The following ITPR1 variants were observed in gnomAD, a reference collection of about 807,000 sequenced individuals.
The protein encoded by ITPR1 is inositol 1,4,5-trisphosphate-gated calcium channel ITPR1.
A neutral mutation model predicts 318.4 loss-of-function variants in ITPR1; 96 were observed. That is an observed-to-expected ratio of 0.30 (90% CI 0.26 to 0.36). The LOEUF is 0.36. Ranked by LOEUF, ITPR1 falls within the 10% of genes least tolerant of loss-of-function variation. The pLI is 1.00. For missense variants in ITPR1, 2,440 were observed against 3,460.2 expected, an observed-to-expected ratio of 0.71 and a Z score of 7.40; for synonymous variants, 1,312 against 1,289.9, an observed-to-expected ratio of 1.02 and a Z score of -0.37.
chr3:4,813,272 G>T lies in ITPR1; in HGVS notation c.7561+38G>T, dbSNP rs77385968. 2.3e-5 allele frequency: 33 copies of T among 1,426,082 alleles called. No individual in the cohort carries two copies. The East Asian group carries it at 7.6e-4, about 33-fold the overall frequency. 88.3% of individuals were successfully genotyped at this position (1,426,082 alleles called of 1,614,324 possible). ...AACTGTAAGCCCCATGTTAATATCGGACTCCTCCAGAGGCTTAGCTGATGC... is the reference window on the plus strand; with the variant it reads ...AACTGTAAGCCCCATGTTAATATCGTACTCCTCCAGAGGCTTAGCTGATGC... On this transcript the variant is annotated intron_variant, in intron 57 of 61. Transcript: ENST00000649015.
chr3:4,731,603 C>A (rs969719599), intron 42 of ITPR1, among the ~76,000 whole-genome samples: 1 of 152,154 alleles, frequency 6.6e-6, no homozygotes, highest in Admixed American at 6.5e-5. Context: ...CCCTGTTTAT[C>A]CCATCCCAAT....
chr3:4,632,603 AT>A (rs1482829913), intron 5 of ITPR1, among the ~76,000 whole-genome samples: 4 of 152,196 alleles, frequency 2.6e-5, no homozygotes, highest in African/African-American at 9.6e-5. Flanking sequence ...TTGGGAACTA[AT>A]TCAATTAAGG....
chr3:4,590,362 A>T (rs2090293573), intron 4 of ITPR1, among the ~76,000 whole-genome samples: 3 of 151,676 alleles, frequency 2.0e-5, no homozygotes, highest in African/African-American at 7.3e-5. Flanking sequence ...CCATAAGCAG[A>T]TGATGAATAG....
chr3:4,505,635 CTTG>C (rs1323117587), intron 2 of ITPR1, among the ~76,000 whole-genome samples: 3 of 152,192 alleles, frequency 2.0e-5, no homozygotes, highest in Admixed American at 6.5e-5. Context: ...GGCTGATGGA[CTTG>C]TTGTTGGCTC....
intron 50 of ITPR1, 106 bp from the exon 51 acceptor site, chr3:4,783,710 G>C (rs1174946960): frequency 2.2e-6 from 2 of 929,006 alleles, no homozygotes; most frequent in Non-Finnish European, 1.7e-6. Flanking sequence ...CCTTTGGCTT[G>C]CTGCTGGTTA....
At chr3:4,760,306 G>A (rs899421021) in intron 44 of ITPR1, among the ~76,000 whole-genome samples, 5 of 152,246 alleles carry the variant, frequency 3.3e-5, no homozygotes, top group East Asian at 1.9e-4. Context: ...AGGAGAGGTC[G>A]GCCTGGCGGG....
At position 4,658,142 on chromosome 3, in the gene ITPR1, G is replaced by A. The variant is rs1281353068; in HGVS notation, c.1015G>A (p.Ala339Thr). ...TCCTCAGGTGGACCCTGATCAGGAC[G>A]CCTCTCGAAGTAGGTTGCGGAATGC... ...FQPSVDPDQD[A>T]SRSRLRNAQE... Residue 339 changes from alanine (A) to threonine (T), a missense_variant, in exon 13 of 62, where the codon GCC becomes ACC. Coordinates refer to ENST00000649015, the MANE Select transcript of ITPR1 (RefSeq NM_001378452.1). The A allele has an allele frequency of 1.4e-5, 23 of 1,612,700 alleles. No individual in the cohort carries two copies. The highest frequency in any genetic ancestry group is 3.3e-4 in the Middle Eastern group (2 of 6,050).
chr3:4,720,475 G>T (rs551391826), intron 40 of ITPR1, among the ~76,000 whole-genome samples: 1 of 152,226 alleles, frequency 6.6e-6, no homozygotes, highest in African/African-American at 2.4e-5. Context: ...GTGGTGAGCA[G>T]AACAGTAGTC....
chr3:4,731,967 G>A (rs914957125), intron 42 of ITPR1, among the ~76,000 whole-genome samples: 12 of 152,060 alleles, frequency 7.9e-5, no homozygotes, highest in Non-Finnish European at 1.5e-4. Context: ...CTTTCCTCTC[G>A]GCCAGACTTC....
rs1300752903 is a variant in ITPR1 at position 4,604,633 on chromosome 3, G to A, written c.164-23130G>A. ...ATGACTCTTTCATGGACACGCATGG[G>A]CCGTGTGTGAATGAACTGGTGTGGG... On this transcript the variant is annotated intron_variant, in intron 4 of 61. Transcript: ENST00000649015. Among the ~76,000 whole-genome samples, 7 of 152,086 alleles carry A rather than the reference G, an allele frequency of 4.6e-5. No individual in the cohort carries two copies. In the East Asian group the frequency reaches 1.3e-3, roughly 29 times the overall value.
intron 31 of ITPR1, among the ~76,000 whole-genome samples, chr3:4,689,727 T>C (rs1230710635): frequency 6.6e-6 from 1 of 152,180 alleles, no homozygotes; most frequent in Non-Finnish European, 1.5e-5. Context: ...ATAAGCCTTC[T>C]AGAAGGTAAC....
At chr3:4,647,660 A>G (rs2093490798) in intron 10 of ITPR1, among the ~76,000 whole-genome samples, 1 of 152,170 alleles carries the variant, frequency 6.6e-6, no homozygotes, top group Admixed American at 6.5e-5. Flanking sequence ...GTGAAATTTC[A>G]ATGTGGGTTG....
At chr3:4,742,892 C>G (rs573821997) in intron 44 of ITPR1, among the ~76,000 whole-genome samples, 1 of 152,302 alleles carries the variant, frequency 6.6e-6, no homozygotes, top group African/African-American at 2.4e-5. Context: ...GGGGGACGCT[C>G]TGTCTTATGT....
At chr3:4,719,114 G>T (rs1195553848) in intron 40 of ITPR1, among the ~76,000 whole-genome samples, 2 of 152,162 alleles carry the variant, frequency 1.3e-5, no homozygotes, top group Non-Finnish European at 2.9e-5. Flanking sequence ...GGAGTTTATT[G>T]CTCACTTATG....
chr3:4,791,212 T>C (rs2047531685), intron 52 of ITPR1, among the ~76,000 whole-genome samples: 1 of 152,222 alleles, frequency 6.6e-6, no homozygotes. Flanking sequence ...TCCTTCTTTT[T>C]GCTATAATGT....
intron 4 of ITPR1, among the ~76,000 whole-genome samples, chr3:4,603,667 T>A (rs754548865): frequency 3.5e-4 from 54 of 152,250 alleles, no homozygotes; most frequent in East Asian, 1.5e-3. Flanking sequence ...TGACCTCGTG[T>A]TCCACCCGCC....
chr3:4,794,341 C>G (rs887963633), intron 52 of ITPR1, among the ~76,000 whole-genome samples: 1 of 152,146 alleles, frequency 6.6e-6, no homozygotes, highest in Admixed American at 6.5e-5. Flanking sequence ...GTCTCTTGCC[C>G]CTTTGTGATG....
In ITPR1 at chr3:4,699,917, C is replaced by T; in HGVS notation, c.4512C>T (p.Phe1504=). The T allele has an allele frequency of 2.5e-6, 4 of 1,613,832 alleles. No homozygotes were observed. The highest frequency in any genetic ancestry group is 1.1e-5 in the South Asian group (1 of 91,078). ...TTACTACTTTCTTCAGCTCTCCCTT[C>T]TCAGACCAGAGTACGACTTTGCAGG... The part of the protein sequence containing the change: ...SIVTTFFSSP[F]SDQSTTLQTR... The change falls in exon 35 of 62, where the codon TTC becomes TTT. Residue 1504 remains phenylalanine (F), a synonymous_variant. Coordinates refer to ENST00000649015, the MANE Select transcript of ITPR1 (RefSeq NM_001378452.1).
At chr3:4,830,962 C>G (rs2050439479) in intron 60 of ITPR1, 1 of 456,552 alleles carries the variant, frequency 2.2e-6, no homozygotes, top group Non-Finnish European at 4.4e-6. Flanking sequence ...CAGACTTTCT[C>G]TGAGGAGGTG....
Sources: allele counts gnomAD v4.1 joint callset (sites outside exome capture counted in the v4.1 genomes callset), GRCh38; gene constraint gnomAD v4.1.1; transcripts MANE v1.5; gene names NCBI Gene and HGNC (gene_info 2026-07-23, HGNC 2026-07-21).